Variants in THEM6 observed in about 807,000 individuals in gnomAD.
The protein encoded by THEM6 is protein THEM6.
In THEM6, 10 loss-of-function variants were observed where a neutral mutation model predicts 13.7. That is an observed-to-expected ratio of 0.73 (90% CI 0.45 to 1.24). THEM6 has a LOEUF of 1.24. Ranked by LOEUF, THEM6 falls within the 50% of genes most tolerant of loss-of-function variation. The probability of loss-of-function intolerance (pLI) is 0.00; values close to 1 mark genes in which losing one functional copy is unlikely to be tolerated. For missense variants in THEM6, 317 were observed against 312.6 expected, an observed-to-expected ratio of 1.01 and a Z score of -0.11; for synonymous variants, 161 against 156.0, an observed-to-expected ratio of 1.03 and a Z score of -0.24.
intron 1 of THEM6, among the ~76,000 whole-genome samples, chr8:142,733,904 GTTTTC>G (rs1248309098): frequency 5.3e-5 from 8 of 152,208 alleles, no homozygotes; most frequent in Admixed American, 4.6e-4. Context: ...AGATGTAAAA[GTTTTC>G]TGATTGGCAG....
intron 1 of THEM6, among the ~76,000 whole-genome samples, chr8:142,733,714 CTCAG>C (rs1467028280): frequency 6.6e-6 from 1 of 152,218 alleles, no homozygotes; most frequent in Non-Finnish European, 1.5e-5. Context: ...GGAGATATGT[CTCAG>C]TCAATTTAGA....
intron 1 of THEM6, among the ~76,000 whole-genome samples, chr8:142,731,024 C>T (rs1286576143): frequency 2.0e-5 from 3 of 152,202 alleles, no homozygotes; most frequent in Admixed American, 1.3e-4. Context: ...GGATTACAGG[C>T]GTGAGCCACC....
rs143542150 is a variant in THEM6, at chr8:142,732,916, G to A, written c.514-2410G>A. 6.4e-3 allele frequency among the ~76,000 whole-genome samples: 975 copies of A among 152,206 alleles called. 6 individuals are homozygous for A. The highest frequency in any genetic ancestry group is 8.8e-3 in the Admixed American group (135 of 15,290). ...TTTGAAATGCTTGTTCCCCGGTGCC[G>A]TAAAGAAACAGCAGTTGAACATAAA... On this transcript the variant is annotated intron_variant, in intron 1 of 1. Coordinates refer to ENST00000336138, the MANE Select transcript of THEM6 (RefSeq NM_016647.3).
At chr8:142,734,011 C>G (rs1043277893) in intron 1 of THEM6, among the ~76,000 whole-genome samples, 2 of 152,174 alleles carry the variant, frequency 1.3e-5, no homozygotes, top group African/African-American at 4.8e-5. Context: ...ATGAAGCCTC[C>G]AGGCTGCAGG....
rs935884017 is a variant in THEM6 at position 142,735,785 on chromosome 8, C to T, written c.*346C>T. ...GAGGGACCCACAAGTGCCTCCCGAG[C>T]CTAGATCCTGGCTCGGACCACTGCA... On this transcript the variant is annotated 3_prime_UTR_variant, in exon 2 of 2. Transcript: ENST00000336138. The T allele has an allele frequency of 1.1e-5, 3 of 280,726 alleles. No homozygotes were observed. Among genetic ancestry groups the T allele is most frequent in the Non-Finnish European group, 2.1e-5 (3 of 141,632 alleles). The allele number at this position is 280,726 out of a possible 1,614,324, so 17.4% of individuals were successfully genotyped here. A position where few individuals can be genotyped will look rare whatever the true frequency, so the allele number is the denominator to read the frequency against.
chr8:142,727,687 T>C lies in THEM6; in HGVS notation c.341T>C (p.Leu114Pro), dbSNP rs1468805994. 3 of 1,432,428 alleles carry C rather than the reference T, an allele frequency of 2.1e-6. No homozygotes were observed. Among genetic ancestry groups the C allele is most frequent in the Non-Finnish European group, 2.7e-6 (3 of 1,104,968 alleles). The allele number at this position is 1,432,428 out of a possible 1,614,324, so 88.7% of individuals were successfully genotyped here. Residue 114 changes from leucine to proline, a missense_variant, in exon 1 of 2, where the codon CTG (leucine) becomes CCG (proline). Physicochemically the swap from Leu to Pro is moderately conservative, Grantham distance 98 (BLOSUM62 -3). Coordinates refer to ENST00000336138, the MANE Select transcript of THEM6 (RefSeq NM_016647.3). ...CGCCACCGCCGCTCGCTGCGCCTGCTGGAGCCCTTCGAGGTGCGCACCCGC... is the reference window on the plus strand; with the variant it reads ...CGCCACCGCCGCTCGCTGCGCCTGCCGGAGCCCTTCGAGGTGCGCACCCGC... ...CARHRRSLRL[L>P]EPFEVRTRLL...
intron 1 of THEM6, among the ~76,000 whole-genome samples, chr8:142,733,448 T>C (rs1815695432): frequency 6.6e-6 from 1 of 152,244 alleles, no homozygotes; most frequent in Admixed American, 6.5e-5. Context: ...GGAAAGTCTT[T>C]GAAGAGGAAC....
chr8:142,735,593 T>G lies in THEM6; in HGVS notation c.*154T>G. 1.6e-6 allele frequency: 1 copy of G among 631,888 alleles called. No individual in the cohort carries two copies. Among genetic ancestry groups the G allele is most frequent in the East Asian group, 2.8e-5 (1 of 35,938 alleles). The allele number at this position is 631,888 out of a possible 1,614,324, so 39.1% of individuals were successfully genotyped here. On this transcript the variant is annotated 3_prime_UTR_variant, in exon 2 of 2. Coordinates refer to ENST00000336138, the MANE Select transcript of THEM6 (RefSeq NM_016647.3). ...CCCACTGGGCCCCCCCAGTTATTGATACCCCTCTGTGCTGGGCTCCACGCT... is the reference window on the plus strand; with the variant it reads ...CCCACTGGGCCCCCCCAGTTATTGAGACCCCTCTGTGCTGGGCTCCACGCT...
rs782125353 is a variant in THEM6 at position 142,727,768 on chromosome 8, G to T, written c.422G>T (p.Arg141Leu). The change falls in exon 1 of 2, where the codon CGG (arginine) becomes CTG (leucine). Residue 141 changes from arginine (R) to leucine (L), a missense_variant. Transcript: ENST00000336138. ...CTGGAGGCGCGCTTTGTCAGCCTGCGGGACGGCTTCGTGTGCGCGCTGCTG... is the reference window on the plus strand; with the variant it reads ...CTGGAGGCGCGCTTTGTCAGCCTGCTGGACGGCTTCGTGTGCGCGCTGCTG... ...FYLEARFVSL[R>L]DGFVCALLRF... 4.8e-6 allele frequency: 7 copies of T among 1,458,484 alleles called. No homozygotes were observed. Among genetic ancestry groups the T allele is most frequent in the Non-Finnish European group, 6.3e-6 (7 of 1,114,912 alleles). The allele number at this position is 1,458,484 out of a possible 1,614,324, so 90.3% of individuals were successfully genotyped here. A position where few individuals can be genotyped will look rare whatever the true frequency, so the allele number is the denominator to read the frequency against.
At chr8:142,735,117 G>C in intron 1 of THEM6, 1 of 569,766 alleles carries the variant, frequency 1.8e-6, no homozygotes. Context: ...TGGCCCCTAG[G>C]GGAGACGGGC....
intron 1 of THEM6, among the ~76,000 whole-genome samples, chr8:142,732,202 ATATATTTT>A: frequency 9.7e-6 from 1 of 102,618 alleles, no homozygotes; most frequent in Middle Eastern, 4.8e-3. Flanking sequence ...ATATATATAT[ATATATTTT>A]AACTACTGGA....
intron 1 of THEM6, among the ~76,000 whole-genome samples, chr8:142,728,929 A>C (rs1587580740): frequency 1.4e-5 from 2 of 144,890 alleles, no homozygotes; most frequent in Admixed American, 1.4e-4. Flanking sequence ...AATCAATATT[A>C]CTATTTTCTT....
rs1333673624 is a variant in THEM6 at position 142,736,355 on chromosome 8, C to G, written c.*916C>G. 1 of 152,534 alleles carries G rather than the reference C, an allele frequency of 6.6e-6. No individual in the cohort carries two copies. The highest frequency in any genetic ancestry group is 1.5e-5 in the Non-Finnish European group (1 of 68,292). The allele number at this position is 152,534 out of a possible 1,614,324, so 9.4% of individuals were successfully genotyped here. A position where few individuals can be genotyped will look rare whatever the true frequency, so the allele number is the denominator to read the frequency against. On this transcript the variant is annotated 3_prime_UTR_variant, in exon 2 of 2. Transcript: ENST00000336138. ...TGTACCCCCTTAGAGCTGCCCCTCTCTGGCCTGGCCGGCAGGCGTCTTCTT... is the reference window on the plus strand; with the variant it reads ...TGTACCCCCTTAGAGCTGCCCCTCTGTGGCCTGGCCGGCAGGCGTCTTCTT...
At chr8:142,729,818 A>C (rs1352348431) in intron 1 of THEM6, among the ~76,000 whole-genome samples, 4 of 152,168 alleles carry the variant, frequency 2.6e-5, no homozygotes, top group Non-Finnish European at 5.9e-5. Flanking sequence ...TTTTCTTGGA[A>C]GTTTAACTTT....
At position 142,727,349 on chromosome 8, in the gene THEM6, GCTGGGGCTGCTGGTGGCGTTGCTGGCC is replaced by G. The variant is rs1467472889; in HGVS notation, c.12_38del (p.Leu5_Leu13del). 5 of 1,516,530 alleles carry G rather than the reference GCTGGGGCTGCTGGTGGCGTTGCTGGCC, an allele frequency of 3.3e-6. No individual in the cohort carries two copies. Among genetic ancestry groups the G allele is most frequent in the East Asian group, 2.6e-5 (1 of 38,110 alleles). The allele number at this position is 1,516,530 out of a possible 1,614,324, so 93.9% of individuals were successfully genotyped here. A position where few individuals can be genotyped will look rare whatever the true frequency, so the allele number is the denominator to read the frequency against. ...ACCCCGCGCCCGCCGCCGCCGCTAT[GCTGGGGCTGCTGGTGGCGTTGCTGGCC>G]CTGGGGCTCGCTGTCTTTGCGCTGC... On this transcript the variant is annotated inframe_deletion, in exon 1 of 2. Transcript: ENST00000336138.
intron 1 of THEM6, among the ~76,000 whole-genome samples, chr8:142,730,172 A>G (rs1359324327): frequency 6.6e-6 from 1 of 152,232 alleles, no homozygotes; most frequent in Non-Finnish European, 1.5e-5. Flanking sequence ...TGGTCCTAGT[A>G]CAGTCATCCA....
chr8:142,735,781 C>T lies in THEM6; in HGVS notation c.*342C>T, dbSNP rs765648607. ...AGCAGAGGGACCCACAAGTGCCTCC[C>T]GAGCCTAGATCCTGGCTCGGACCAC... On this transcript the variant is annotated 3_prime_UTR_variant, in exon 2 of 2. Transcript: ENST00000336138. 6 of 279,874 alleles carry T rather than the reference C, an allele frequency of 2.1e-5. No homozygotes were observed. Among genetic ancestry groups the T allele is most frequent in the South Asian group, 9.1e-5 (2 of 22,010 alleles). 17.3% of individuals were successfully genotyped at this position (279,874 alleles called of 1,614,324 possible).
intron 1 of THEM6, among the ~76,000 whole-genome samples, chr8:142,730,675 A>T (rs1815626313): frequency 2.0e-5 from 3 of 152,076 alleles, no homozygotes; most frequent in Admixed American, 2.0e-4. Flanking sequence ...TGCTTTTTGT[A>T]TGATTTTATA....
intron 1 of THEM6, among the ~76,000 whole-genome samples, chr8:142,730,368 G>A (rs1261680661): frequency 6.6e-6 from 1 of 152,192 alleles, no homozygotes; most frequent in Non-Finnish European, 1.5e-5. Context: ...GAAATTCTAG[G>A]GGTGGTACCT....
Sources: gnomAD v4.1 joint callset for allele counts (sites outside exome capture counted in the v4.1 genomes callset) on GRCh38, gnomAD v4.1.1 for gene constraint, MANE v1.5 for transcripts, NCBI Gene and HGNC (gene_info 2026-07-23, HGNC 2026-07-21) for gene names.